The following MAPK6 variants were observed in gnomAD, a reference collection of about 807,000 sequenced individuals.
The protein encoded by MAPK6 is ERK-3.
A neutral mutation model predicts 59.3 loss-of-function variants in MAPK6; 19 were observed. The observed-to-expected ratio is 0.32, with a 90% CI of 0.22 to 0.47. The LOEUF is 0.47. MAPK6 is among the 20% of genes least tolerant of loss of function. The probability of loss-of-function intolerance (pLI) is 1.00; values close to 1 mark genes in which losing one functional copy is unlikely to be tolerated. For missense variants in MAPK6, 724 were observed against 847.9 expected, an observed-to-expected ratio of 0.85 and a Z score of 1.81; for synonymous variants, 316 against 290.3, an observed-to-expected ratio of 1.09 and a Z score of -0.90.
intron 1 of MAPK6, among the ~76,000 whole-genome samples, chr15:52,034,829 C>T (rs545945116): frequency 6.6e-6 from 1 of 152,008 alleles, no homozygotes; most frequent in East Asian, 2.0e-4. Context: ...TCCCAAGTAC[C>T]TGGGAGTACA....
chr15:51,984,447 ATTTTTTTTTTTTTTT>A (rs71130112), intron 2 of MAPK6, among the ~76,000 whole-genome samples: 166 of 69,980 alleles, frequency 2.4e-3, no homozygotes, highest in African/African-American at 0.01. Context: ...ACGCCGGCTA[ATTTTTTTTTTTTTTT>A]TTTTTTTTTT....
chr15:52,054,250 C>G (rs1338294440), intron 3 of MAPK6, among the ~76,000 whole-genome samples: 2 of 151,762 alleles, frequency 1.3e-5, no homozygotes, highest in Admixed American at 6.6e-5. Flanking sequence ...CACCTACAAT[C>G]CCAGCTACTC....
At chr15:51,991,148 TACAC>T (rs933912695) in intron 2 of MAPK6, among the ~76,000 whole-genome samples, 3,871 of 140,690 alleles carry the variant, frequency 0.028, 118 homozygotes, top group East Asian at 0.074. Flanking sequence ...TATATATATA[TACAC>T]ACACACACAC....
At chr15:52,027,065 C>T (rs2030815670) in intron 1 of MAPK6, among the ~76,000 whole-genome samples, 1 of 150,462 alleles carries the variant, frequency 6.6e-6, no homozygotes, top group Non-Finnish European at 1.5e-5. Context: ...AAGAAAATGC[C>T]TGTCACAGCC....
chr15:52,009,074 ATTAG>A (rs1046039225), intron 3 of MAPK6, among the ~76,000 whole-genome samples: 8 of 152,194 alleles, frequency 5.3e-5, no homozygotes, highest in Non-Finnish European at 1.2e-4. Context: ...TGGGTACAGG[ATTAG>A]TTAGAGGAAG....
intron 3 of MAPK6, among the ~76,000 whole-genome samples, chr15:52,051,811 T>C (rs1171845013): frequency 1.3e-5 from 2 of 151,774 alleles, no homozygotes; most frequent in East Asian, 1.9e-4. Flanking sequence ...GAGGCAGAGG[T>C]TGCAGTGAGC....
intron 1 of MAPK6, among the ~76,000 whole-genome samples, chr15:52,031,336 A>G (rs1479019528): frequency 1.3e-5 from 2 of 152,174 alleles, no homozygotes; most frequent in Non-Finnish European, 1.5e-5. Context: ...TTACAGTGAG[A>G]GATAATGGAA....
At chr15:52,027,445 C>G (rs1050756340) in intron 1 of MAPK6, among the ~76,000 whole-genome samples, 1 of 148,868 alleles carries the variant, frequency 6.7e-6, no homozygotes, top group East Asian at 2.0e-4. Context: ...ATTTTATAGC[C>G]CTCTGTAATT....
intron 1 of MAPK6, among the ~76,000 whole-genome samples, chr15:52,042,479 C>T (rs539297166): frequency 6.6e-6 from 1 of 151,988 alleles, no homozygotes; most frequent in African/African-American, 2.4e-5. Flanking sequence ...ACTGAGAATT[C>T]TGAAAAGGCA....
At chr15:51,994,281 A>C (rs935788377) in intron 2 of MAPK6, among the ~76,000 whole-genome samples, 1 of 152,114 alleles carries the variant, frequency 6.6e-6, no homozygotes, top group Non-Finnish European at 1.5e-5. Context: ...TCTAAATACC[A>C]TTCTCCACCA....
At chr15:52,031,876 C>T (rs991276775) in intron 1 of MAPK6, among the ~76,000 whole-genome samples, 1 of 152,040 alleles carries the variant, frequency 6.6e-6, no homozygotes, top group African/African-American at 2.4e-5. Flanking sequence ...ATGTTCAGTG[C>T]TGTGACTTTC....
chr15:52,057,935 TTG>T (rs1401109014), intron 3 of MAPK6, among the ~76,000 whole-genome samples: 2 of 152,252 alleles, frequency 1.3e-5, no homozygotes, highest in Non-Finnish European at 2.9e-5. Flanking sequence ...TTGGTCTGTT[TTG>T]TTTCATAACT....
At chr15:51,988,012 C>T (rs1307939504) in intron 2 of MAPK6, among the ~76,000 whole-genome samples, 2 of 152,006 alleles carry the variant, frequency 1.3e-5, no homozygotes, top group East Asian at 1.9e-4. Context: ...GTAGTCTGCC[C>T]GCCTTGGCCT....
chr15:52,049,103 G>A (rs1431588270), intron 2 of MAPK6, among the ~76,000 whole-genome samples: 1 of 152,176 alleles, frequency 6.6e-6, no homozygotes, highest in Admixed American at 6.5e-5. Flanking sequence ...TTTTGAGGAT[G>A]AAATAAGGCA....
intron 1 of MAPK6, among the ~76,000 whole-genome samples, chr15:52,027,188 C>T (rs1015485454): frequency 6.6e-6 from 1 of 151,378 alleles, no homozygotes; most frequent in Non-Finnish European, 1.5e-5. Flanking sequence ...CCCATCTCTA[C>T]TAAAAATACG....
At chr15:51,998,228 A>G (rs1009817529) in intron 2 of MAPK6, among the ~76,000 whole-genome samples, 1 of 151,298 alleles carries the variant, frequency 6.6e-6, no homozygotes, top group Non-Finnish European at 1.5e-5. Context: ...AGGCTTGAGC[A>G]ACTGCACCCA....
intron 2 of MAPK6, among the ~76,000 whole-genome samples, chr15:51,995,653 C>T (rs772398458): frequency 1.3e-5 from 2 of 152,140 alleles, no homozygotes; most frequent in Admixed American, 6.6e-5. Flanking sequence ...CTAGGCCAGG[C>T]GCAGTGGCTC....
intron 1 of MAPK6, among the ~76,000 whole-genome samples, chr15:52,039,116 G>A (rs2031333356): frequency 6.6e-6 from 1 of 152,170 alleles, no homozygotes; most frequent in African/African-American, 2.4e-5. Flanking sequence ...AGGTTCAAGC[G>A]ATTCTCCTGC....
intron 1 of MAPK6, among the ~76,000 whole-genome samples, chr15:52,036,888 G>A: frequency 6.7e-6 from 1 of 148,746 alleles, no homozygotes; most frequent in African/African-American, 2.5e-5. Context: ...ATAAAAGAAT[G>A]GCTACTCCAT....
Sources: allele counts gnomAD v4.1 joint callset (sites outside exome capture counted in the v4.1 genomes callset), GRCh38; gene constraint gnomAD v4.1.1; transcripts MANE v1.5; gene names NCBI Gene and HGNC (gene_info 2026-07-23, HGNC 2026-07-21).